Variants in CBFA2T3 observed in about 807,000 individuals in gnomAD.
The protein encoded by CBFA2T3 is transcriptional corepressor CBFA2T3.
A neutral mutation model predicts 58.6 loss-of-function variants in CBFA2T3; 31 were observed. That is an observed-to-expected ratio of 0.53 (90% CI 0.40 to 0.71). The LOEUF (loss-of-function observed/expected upper bound fraction) is 0.71. Ranked by LOEUF, CBFA2T3 falls within the 30% of genes least tolerant of loss-of-function variation. CBFA2T3 has a pLI of 0.00. For missense variants in CBFA2T3, 1,076 were observed against 963.1 expected (o/e 1.12, Z -1.55); for synonymous variants, 531 against 421.9 (o/e 1.26, Z -3.17).
At chr16:88,944,616 C>T (rs1273682338) in intron 1 of CBFA2T3, among the ~76,000 whole-genome samples, 5 of 152,234 alleles carry the variant, frequency 3.3e-5, no homozygotes, top group Admixed American at 2.0e-4. Flanking sequence ...CATCCTGATC[C>T]CCCTCCCCAA....
chr16:88,882,774 G>A lies in CBFA2T3; in HGVS notation c.1118-13C>T. ...GACCCAGGCACCACTGTGGATGGGG[G>A]AGGTGCACGCTTAGGTCCCACCCAC... On this transcript the variant is annotated splice_polypyrimidine_tract_variant and intron_variant, in intron 7 of 11. Coordinates refer to ENST00000268679, the MANE Select transcript of CBFA2T3 (RefSeq NM_005187.6). The A allele has an allele frequency of 6.5e-7, 1 of 1,541,258 alleles. No individual in the cohort carries two copies. The highest frequency in any genetic ancestry group is 1.2e-5 in the South Asian group (1 of 84,868).
At chr16:88,901,818 G>A (rs1490701928) in intron 1 of CBFA2T3, among the ~76,000 whole-genome samples, 162 bp from the exon 2 acceptor site, 2 of 152,178 alleles carry the variant, frequency 1.3e-5, no homozygotes, top group African/African-American at 4.8e-5. Context: ...CCACGTGCAG[G>A]ATCACGGGGG....
chr16:88,897,431 G>C (rs1969931916), intron 3 of CBFA2T3, among the ~76,000 whole-genome samples: 1 of 152,218 alleles, frequency 6.6e-6, no homozygotes, highest in African/African-American at 2.4e-5. Context: ...GCACTCAGTG[G>C]TTGACAAAAA....
chr16:88,962,307 C>T (rs939633512), intron 1 of CBFA2T3, among the ~76,000 whole-genome samples: 16 of 152,240 alleles, frequency 1.1e-4, no homozygotes, highest in African/African-American at 1.7e-4. Flanking sequence ...ACTGCATACT[C>T]GTACTTTTTT....
chr16:88,949,603 G>C (rs571378407), intron 1 of CBFA2T3, among the ~76,000 whole-genome samples: 1 of 152,026 alleles, frequency 6.6e-6, no homozygotes, highest in Non-Finnish European at 1.5e-5. Context: ...CTGGGAGTGG[G>C]TGTGGGGACA....
chr16:88,906,942 A>T (rs1036701350), intron 1 of CBFA2T3, among the ~76,000 whole-genome samples: 1 of 152,192 alleles, frequency 6.6e-6, no homozygotes, highest in Non-Finnish European at 1.5e-5. Context: ...GGCCGAAGGG[A>T]CGCTGGCTCG....
At chr16:88,899,309 G>C (rs907546332) in intron 2 of CBFA2T3, among the ~76,000 whole-genome samples, 3 of 151,902 alleles carry the variant, frequency 2.0e-5, no homozygotes, top group Non-Finnish European at 4.4e-5. Flanking sequence ...CAACCACCTG[G>C]CTTTCACGGA....
chr16:88,968,522 G>A (rs569459520), intron 1 of CBFA2T3, among the ~76,000 whole-genome samples: 1 of 152,370 alleles, frequency 6.6e-6, no homozygotes, highest in African/African-American at 2.4e-5. Context: ...GAGAGCAGAT[G>A]AGGGCAGATC....
intron 1 of CBFA2T3, among the ~76,000 whole-genome samples, chr16:88,908,569 C>A (rs1393925494): frequency 6.6e-6 from 1 of 152,186 alleles, no homozygotes; most frequent in Non-Finnish European, 1.5e-5. Flanking sequence ...CGTGGGGGCA[C>A]CCAGCCCGCC....
chr16:88,912,005 T>G (rs1216028814), intron 1 of CBFA2T3, among the ~76,000 whole-genome samples: 1 of 152,236 alleles, frequency 6.6e-6, no homozygotes, highest in Non-Finnish European at 1.5e-5. Flanking sequence ...TCAGCCGGCC[T>G]GGGTGCAGAG....
At chr16:88,917,973 A>G (rs1970793444) in intron 1 of CBFA2T3, among the ~76,000 whole-genome samples, 1 of 152,178 alleles carries the variant, frequency 6.6e-6, no homozygotes, top group South Asian at 2.1e-4. Flanking sequence ...AAATCCTAGC[A>G]GCCCAGACAG....
intron 1 of CBFA2T3, among the ~76,000 whole-genome samples, chr16:88,956,548 C>G (rs1039669163): frequency 6.6e-6 from 1 of 152,228 alleles, no homozygotes; most frequent in African/African-American, 2.4e-5. Flanking sequence ...CGGGGCTTCC[C>G]AGCAGGGGAC....
chr16:88,921,152 T>A (rs1297766645), intron 1 of CBFA2T3, among the ~76,000 whole-genome samples: 2 of 152,228 alleles, frequency 1.3e-5, no homozygotes, highest in African/African-American at 4.8e-5. Context: ...CAATTCTTTC[T>A]AGGAAAGGGG....
At chr16:88,943,679 G>A (rs565532397) in intron 1 of CBFA2T3, among the ~76,000 whole-genome samples, 1 of 152,324 alleles carries the variant, frequency 6.6e-6, no homozygotes, top group South Asian at 2.1e-4. Flanking sequence ...CCCCCGTGCT[G>A]TGCGGATGCT....
At position 88,976,127 on chromosome 16, in the gene CBFA2T3, G is replaced by A. The variant is rs575371243; in HGVS notation, c.151+530C>T. Among the ~76,000 whole-genome samples the A allele has an allele frequency of 3.3e-5, 5 of 152,310 alleles. No individual in the cohort carries two copies. In the South Asian group the frequency reaches 1.0e-3, roughly 32 times the overall value. ...CGAAGCCCCCAGAAGGGCAGGCCCA[G>A]GTTCCCCGTAAACCCCCACTGCCCT... is the stretch of plus-strand genomic sequence containing the variant. On this transcript the variant is annotated intron_variant, in intron 1 of 11. Transcript: ENST00000268679.
At chr16:88,974,903 G>C (rs1402255216) in intron 1 of CBFA2T3, among the ~76,000 whole-genome samples, 1 of 152,172 alleles carries the variant, frequency 6.6e-6, no homozygotes, top group African/African-American at 2.4e-5. Flanking sequence ...CCAAGTGCTG[G>C]TATTCACATG....
At chr16:88,913,540 G>C (rs1426309581) in intron 1 of CBFA2T3, among the ~76,000 whole-genome samples, 1 of 152,160 alleles carries the variant, frequency 6.6e-6, no homozygotes, top group Non-Finnish European at 1.5e-5. Flanking sequence ...AGGGAGGCTG[G>C]GAAGCTGGAG....
At chr16:88,929,834 C>G in intron 1 of CBFA2T3, among the ~76,000 whole-genome samples, 2 of 151,354 alleles carry the variant, frequency 1.3e-5, no homozygotes, top group Non-Finnish European at 2.9e-5. Context: ...ATACCCACAG[C>G]TGCATCATCC....
In CBFA2T3 at chr16:88,882,672, T is replaced by C. The variant is rs1210627940; in HGVS notation, c.1203+4A>G. The C allele has an allele frequency of 1.3e-6, 2 of 1,568,904 alleles. No individual in the cohort carries two copies. Reference sequence around the variant, plus strand: ...TGTGGGCGTGGCTGTGTGTGGACACTCACGTTGTTGAGGTGCTTCCACTCT... The same window carrying C: ...TGTGGGCGTGGCTGTGTGTGGACACCCACGTTGTTGAGGTGCTTCCACTCT... On this transcript the variant is annotated splice_donor_region_variant and intron_variant, in intron 8 of 11. Transcript: ENST00000268679.
Sources: allele counts gnomAD v4.1 joint callset (sites outside exome capture counted in the v4.1 genomes callset), GRCh38; gene constraint gnomAD v4.1.1; transcripts MANE v1.5; gene names NCBI Gene and HGNC (gene_info 2026-07-23, HGNC 2026-07-21).